Variants in PTK2 observed in about 807,000 individuals in gnomAD.
The protein encoded by PTK2 is protein tyrosine kinase 2, also known as focal adhesion kinase 1.
In PTK2, 45 loss-of-function variants were observed where a neutral mutation model predicts 150.1. The observed-to-expected ratio is 0.30, with a 90% confidence interval of 0.24 to 0.38. The LOEUF is 0.38. PTK2 is among the 10% of genes least tolerant of loss of function. PTK2 has a pLI of 1.00. For missense variants in PTK2, 919 were observed against 1,307.3 expected (o/e 0.70, Z 4.58); for synonymous variants, 432 against 449.2 (o/e 0.96, Z 0.48).
chr8:140,911,549 C>T (rs1002676911), intron 2 of PTK2, among the ~76,000 whole-genome samples: 21 of 152,002 alleles, frequency 1.4e-4, no homozygotes, highest in Admixed American at 8.5e-4. Context: ...TTATAAAATA[C>T]ACAAATCCTA....
rs1023992305 is a variant in PTK2, at chr8:140,909,699, A to G, written c.-33+15962T>C. Reference sequence around the variant, plus strand: ...AAACAAAGTTAGCATTCAACAGACAATAACAGTTGTTAAAGAAGGATGAAC... The same window carrying G: ...AAACAAAGTTAGCATTCAACAGACAGTAACAGTTGTTAAAGAAGGATGAAC... On this transcript the variant is annotated intron_variant, in intron 2 of 31. Coordinates refer to ENST00000522684, the Ensembl canonical transcript of PTK2. 10 of 152,350 alleles carry G rather than the reference A, an allele frequency of 6.6e-5. No homozygotes were observed. The East Asian group carries it at 9.6e-4, about 15-fold the overall frequency. 9.4% of individuals were successfully genotyped at this position (152,350 alleles called of 1,614,324 possible). A position where few individuals can be genotyped will look rare whatever the true frequency, so the allele number is the denominator to read the frequency against.
At chr8:140,813,632 G>C (rs760832795) in intron 10 of PTK2, among the ~76,000 whole-genome samples, 5 of 152,204 alleles carry the variant, frequency 3.3e-5, no homozygotes, top group African/African-American at 1.2e-4. Flanking sequence ...GAATCTCTGG[G>C]ACACAGGTAA....
intron 10 of PTK2, among the ~76,000 whole-genome samples, chr8:140,812,248 T>G (rs957814313): frequency 6.6e-6 from 1 of 152,188 alleles, no homozygotes; most frequent in Admixed American, 6.5e-5. Context: ...GGGGCCAACA[T>G]TCAACATTCT....
intron 8 of PTK2, among the ~76,000 whole-genome samples, chr8:140,826,698 T>C (rs983259523): frequency 3.3e-5 from 5 of 152,106 alleles, no homozygotes; most frequent in African/African-American, 9.7e-5. Flanking sequence ...GGTGGATGGC[T>C]TAAGTCAGGA....
chr8:140,702,128 C>T (rs1159668102), intron 25 of PTK2, among the ~76,000 whole-genome samples: 1 of 42,714 alleles, frequency 2.3e-5, no homozygotes, highest in South Asian at 1.5e-3. Flanking sequence ...ACTCTGTCTC[C>T]AAAAAAAAAA....
intron 14 of PTK2, among the ~76,000 whole-genome samples, chr8:140,776,106 T>G (rs1358383705): frequency 6.6e-6 from 1 of 152,176 alleles, no homozygotes; most frequent in Non-Finnish European, 1.5e-5. Context: ...CAGGTTCAAG[T>G]GATTCTCGTG....
chr8:140,956,852 A>G (rs941148470), intron 1 of PTK2, among the ~76,000 whole-genome samples: 2 of 152,296 alleles, frequency 1.3e-5, no homozygotes, highest in African/African-American at 2.4e-5. Flanking sequence ...ACCTGAGGTC[A>G]GAAGTTCAAG....
At chr8:140,709,335 AAAAAT>A (rs1332077661) in intron 23 of PTK2, among the ~76,000 whole-genome samples, 2 of 152,256 alleles carry the variant, frequency 1.3e-5, no homozygotes, top group African/African-American at 4.8e-5. Context: ...ATTTCAAAAT[AAAAAT>A]AAAAGGTAAA....
intron 2 of PTK2, among the ~76,000 whole-genome samples, chr8:140,924,690 C>T (rs2154608355): frequency 1.3e-5 from 2 of 152,120 alleles, no homozygotes; most frequent in South Asian, 4.1e-4. Context: ...AATAAGTGAA[C>T]TAAACATTAT....
chr8:140,837,560 C>T (rs1004226699), intron 7 of PTK2, among the ~76,000 whole-genome samples: 8 of 151,520 alleles, frequency 5.3e-5, no homozygotes, highest in East Asian at 1.9e-4. Context: ...GAAACCCCAT[C>T]GCTACTAAAA....
intron 1 of PTK2, among the ~76,000 whole-genome samples, chr8:140,936,855 G>C (rs2100173809): frequency 7.4e-6 from 1 of 135,174 alleles, no homozygotes; most frequent in Admixed American, 7.4e-5. Context: ...GGATATTCTA[G>C]AGAACATCTT....
intron 1 of PTK2, among the ~76,000 whole-genome samples, chr8:140,989,974 G>A (rs1031771285): frequency 9.8e-4 from 149 of 152,060 alleles, no homozygotes; most frequent in Non-Finnish European, 1.6e-4. Context: ...CCACAAGGCG[G>A]TACACTATAT....
chr8:140,756,691 CAA>C (rs544200204), intron 16 of PTK2, among the ~76,000 whole-genome samples: 26 of 99,392 alleles, frequency 2.6e-4, no homozygotes, highest in South Asian at 3.1e-4. Flanking sequence ...AACTCTGTCT[CAA>C]AAAAAAAAAA....
intron 20 of PTK2, among the ~76,000 whole-genome samples, chr8:140,742,934 C>G (rs1031293873): frequency 1.3e-5 from 2 of 152,092 alleles, no homozygotes; most frequent in African/African-American, 4.8e-5. Flanking sequence ...CCTGGCCTAG[C>G]CCTAGATGCT....
chr8:140,674,071 T>C (rs3639), intron 29 of PTK2: 199,639 of 678,756 alleles, frequency 0.29, 31,281 homozygotes, highest in Admixed American at 0.4. Context: ...TAAAATCTAT[T>C]ACACTGAGAG....
At position 140,669,759 on chromosome 8, in the gene PTK2, A is replaced by G. The variant is rs1219626522; in HGVS notation, c.2710-1335T>C. 4 of 1,531,354 alleles carry G rather than the reference A, an allele frequency of 2.6e-6. No individual in the cohort carries two copies. In the Admixed American group the frequency reaches 7.9e-5, roughly 30 times the overall value. The allele number at this position is 1,531,354 out of a possible 1,614,324, so 94.9% of individuals were successfully genotyped here. A position where few individuals can be genotyped will look rare whatever the true frequency, so the allele number is the denominator to read the frequency against. ...GGCTATTGTCGAACGGAAGGTGAGGAAAAGTTAAAGGAATTTATCAGAGAA... is the reference window on the plus strand; with the variant it reads ...GGCTATTGTCGAACGGAAGGTGAGGGAAAGTTAAAGGAATTTATCAGAGAA... On this transcript the variant is annotated intron_variant, in intron 29 of 31. Coordinates refer to ENST00000522684, the Ensembl canonical transcript of PTK2.
chr8:140,816,455 T>G (rs1049792589), intron 10 of PTK2, among the ~76,000 whole-genome samples: 1 of 152,230 alleles, frequency 6.6e-6, no homozygotes, highest in African/African-American at 2.4e-5. Flanking sequence ...ATGGCAGAAG[T>G]CAGGACAGTG....
intron 2 of PTK2, among the ~76,000 whole-genome samples, chr8:140,893,158 T>C (rs1216797625): frequency 6.6e-6 from 1 of 151,962 alleles, no homozygotes; most frequent in African/African-American, 2.4e-5. Context: ...CGAAACCCCA[T>C]CTCTATAAAA....
At position 140,671,944 on chromosome 8, in the gene PTK2, G is replaced by C. The variant is rs893518916; in HGVS notation, c.2709+2354C>G. Among the ~76,000 whole-genome samples, 5 of 99,736 alleles carry C rather than the reference G, an allele frequency of 5.0e-5. 1 individual carries two copies. The highest frequency in any genetic ancestry group is 0.01 in the Middle Eastern group (1 of 100). 65.4% of individuals were successfully genotyped at this position (99,736 alleles called of 152,430 possible). ...GAGACTCTGTCTCAGGGGGGCGGGG[G>C]GCGGGAATCTTTACTTAATATATTT... On this transcript the variant is annotated intron_variant, in intron 29 of 31. Coordinates refer to ENST00000522684, the Ensembl canonical transcript of PTK2.
Sources: allele counts gnomAD v4.1 joint callset (sites outside exome capture counted in the v4.1 genomes callset), GRCh38; gene constraint gnomAD v4.1.1; transcripts MANE v1.5; gene names NCBI Gene and HGNC (gene_info 2026-07-23, HGNC 2026-07-21).